The following PARD3 variants were observed in gnomAD, a reference collection of about 807,000 sequenced individuals.
The protein encoded by PARD3 is par-3 family cell polarity regulator.
PARD3 carries 75 observed loss-of-function variants against 155.4 expected under a neutral mutation model. That is an observed-to-expected ratio of 0.48 (90% confidence interval 0.40 to 0.58). PARD3 has a LOEUF of 0.58. Among genes scored for constraint, PARD3 ranks in the 20% least tolerant of loss-of-function variants. The pLI, the probability that PARD3 is intolerant of heterozygous loss-of-function variation, is 0.00. For synonymous variants in PARD3, 576 were observed against 610.5 expected (o/e 0.94, Z 0.83); for missense variants, 1,642 against 1,721.7 (o/e 0.95, Z 0.82).
intron 2 of PARD3, among the ~76,000 whole-genome samples, chr10:34,674,407 G>A (rs1232814583): frequency 6.6e-6 from 1 of 151,922 alleles, no homozygotes; most frequent in Non-Finnish European, 1.5e-5. Context: ...CCTGCTCTGC[G>A]GGAGCAGCCA....
intron 1 of PARD3, among the ~76,000 whole-genome samples, chr10:34,776,358 C>T (rs183276491): frequency 1.3e-5 from 2 of 152,218 alleles, no homozygotes; most frequent in Non-Finnish European, 2.9e-5. Flanking sequence ...CACTAACATA[C>T]GACAATCTGA....
intron 22 of PARD3, among the ~76,000 whole-genome samples, chr10:34,160,646 C>A (rs1949229041): frequency 6.6e-6 from 1 of 152,018 alleles, no homozygotes; most frequent in African/African-American, 2.4e-5. Flanking sequence ...TTTCTATAAT[C>A]TTTTTTTTGT....
chr10:34,689,312 A>G (rs1477369176), intron 2 of PARD3, among the ~76,000 whole-genome samples: 1 of 152,222 alleles, frequency 6.6e-6, no homozygotes, highest in Non-Finnish European at 1.5e-5. Flanking sequence ...CTCAGTCTGA[A>G]TAATGCGTCC....
At chr10:34,795,703 T>C (rs1257995385) in intron 1 of PARD3, among the ~76,000 whole-genome samples, 1 of 152,112 alleles carries the variant, frequency 6.6e-6, no homozygotes, top group Non-Finnish European at 1.5e-5. Context: ...AAGACCAGCC[T>C]GACCAACATG....
intron 21 of PARD3, among the ~76,000 whole-genome samples, chr10:34,279,388 T>C (rs1289832922): frequency 1.3e-5 from 2 of 152,086 alleles, no homozygotes; most frequent in African/African-American, 4.8e-5. Context: ...CTCATTTACC[T>C]GTGCAATGAA....
rs977642414 is a variant in PARD3 at position 34,179,174 on chromosome 10, A to G, written c.3420-47591T>C. 5.8e-3 allele frequency among the ~76,000 whole-genome samples: 497 copies of G among 86,208 alleles called. 2 individuals are homozygous for G. Among genetic ancestry groups the G allele is most frequent in the African/African-American group, 0.018 (372 of 20,770 alleles). 56.6% of individuals were successfully genotyped at this position (86,208 alleles called of 152,430 possible). On this transcript the variant is annotated intron_variant, in intron 22 of 24. Transcript: ENST00000374788. ...AGCACGCATGTGCGTGCGCGCACAC[A>G]CACACACACACACACACACACACAC...
Position 34,755,049 on chromosome 10 carries a change from G to C in PARD3, c.121-58630C>G, listed in dbSNP as rs987563567. On this transcript the variant is annotated intron_variant, in intron 1 of 24. Transcript: ENST00000374788. The stretch of plus-strand genomic sequence containing the variant: ...TTCCAAGGTCCTTAAAACAGGCAGA[G>C]TGAGCCAAAAATCGACATTTTCAAT... Among the ~76,000 whole-genome samples the C allele has an allele frequency of 2.6e-5, 4 of 152,130 alleles. No homozygotes were observed. In the East Asian group the frequency reaches 7.7e-4, roughly 29 times the overall value.
chr10:34,438,204 C>A (rs1167904851), intron 5 of PARD3, among the ~76,000 whole-genome samples: 1 of 152,212 alleles, frequency 6.6e-6, no homozygotes, highest in Non-Finnish European at 1.5e-5. Flanking sequence ...AGAAAGTTCA[C>A]AAACGATTAA....
At chr10:34,745,750 A>C (rs1171399328) in intron 1 of PARD3, among the ~76,000 whole-genome samples, 1 of 152,050 alleles carries the variant, frequency 6.6e-6, no homozygotes, top group Admixed American at 6.6e-5. Context: ...CTGAGCCATG[A>C]TCACGCCACT....
chr10:34,461,940 C>T (rs907890502), intron 4 of PARD3, among the ~76,000 whole-genome samples: 4 of 152,108 alleles, frequency 2.6e-5, no homozygotes, highest in African/African-American at 9.7e-5. Context: ...ATATTTAAAG[C>T]ATATGAAGGC....
At chr10:34,342,893 T>C (rs1470637183) in intron 15 of PARD3, among the ~76,000 whole-genome samples, 1 of 152,162 alleles carries the variant, frequency 6.6e-6, no homozygotes, top group Non-Finnish European at 1.5e-5. Context: ...AGAAAAACTT[T>C]CTCTTTGATT....
intron 1 of PARD3, among the ~76,000 whole-genome samples, chr10:34,703,155 G>A (rs574110981): frequency 3.2e-4 from 48 of 152,178 alleles, no homozygotes; most frequent in African/African-American, 1.1e-3. Context: ...GGCCAAGGCA[G>A]GTGAACTGCT....
chr10:34,577,161 G>A (rs2134212988), intron 2 of PARD3, among the ~76,000 whole-genome samples: 1 of 152,296 alleles, frequency 6.6e-6, no homozygotes, highest in African/African-American at 2.4e-5. Flanking sequence ...GCAGCTTCGA[G>A]CTGTAAATAA....
chr10:34,173,387 G>A (rs962454855), intron 22 of PARD3, among the ~76,000 whole-genome samples: 7 of 152,166 alleles, frequency 4.6e-5, no homozygotes, highest in African/African-American at 1.4e-4. Context: ...TGGGGATCAA[G>A]GTTTGAGGAC....
intron 23 of PARD3, among the ~76,000 whole-genome samples, chr10:34,120,324 C>T (rs1313090743): frequency 6.6e-6 from 1 of 151,278 alleles, no homozygotes; most frequent in Non-Finnish European, 1.5e-5. Context: ...TATAATGAGG[C>T]TTGGTAAATG....
chr10:34,557,009 C>T (rs1191263572), intron 2 of PARD3, among the ~76,000 whole-genome samples: 2 of 152,186 alleles, frequency 1.3e-5, no homozygotes, highest in African/African-American at 4.8e-5. Flanking sequence ...GAAGGTATAA[C>T]TGCTGGGGTT....
At chr10:34,704,077 T>A (rs1463695711) in intron 1 of PARD3, among the ~76,000 whole-genome samples, 1 of 152,154 alleles carries the variant, frequency 6.6e-6, no homozygotes, top group Non-Finnish European at 1.5e-5. Context: ...GGATCCCATA[T>A]TCCAGGACGT....
At chr10:34,360,331 C>T in intron 12 of PARD3, 72 bp from the exon 13 acceptor site, 1 of 1,116,008 alleles carries the variant, frequency 9.0e-7, no homozygotes. Context: ...TTAAAGACTG[C>T]TAATGAGCAG....
At chr10:34,585,751 T>G (rs958559828) in intron 2 of PARD3, among the ~76,000 whole-genome samples, 1 of 152,164 alleles carries the variant, frequency 6.6e-6, no homozygotes, top group Non-Finnish European at 1.5e-5. Flanking sequence ...TATATACTTT[T>G]GCTAAAGGCT....
Sources: gnomAD v4.1 joint callset for allele counts (sites outside exome capture counted in the v4.1 genomes callset) on GRCh38, gnomAD v4.1.1 for gene constraint, MANE v1.5 for transcripts, NCBI Gene and HGNC (gene_info 2026-07-23, HGNC 2026-07-21) for gene names.